The following REEP1 variants were observed in gnomAD, a reference collection of about 807,000 sequenced individuals.
The protein encoded by REEP1 is receptor expression-enhancing protein 1.
A neutral mutation model predicts 40.3 loss-of-function variants in REEP1; 22 were observed. That is an observed-to-expected ratio of 0.55 (90% CI 0.39 to 0.78). The LOEUF (loss-of-function observed/expected upper bound fraction) is 0.78. Ranked by LOEUF, REEP1 falls within the 30% of genes least tolerant of loss-of-function variation. The pLI is 0.00. For synonymous variants in REEP1, 116 were observed against 139.2 expected (o/e 0.83, Z 1.17); for missense variants, 280 against 361.1 (o/e 0.78, Z 1.82).
At chr2:86,264,294 C>G (rs1006022169) in intron 2 of REEP1, among the ~76,000 whole-genome samples, 2 of 152,152 alleles carry the variant, frequency 1.3e-5, no homozygotes, top group African/African-American at 2.4e-5. Flanking sequence ...CCGGGGAGAC[C>G]TGCGGACCAA....
intron 1 of REEP1, among the ~76,000 whole-genome samples, chr2:86,288,409 A>G (rs1019217758): frequency 6.6e-6 from 1 of 152,080 alleles, no homozygotes; most frequent in Non-Finnish European, 1.5e-5. Context: ...TCCCACCTCA[A>G]CCTTCCAAGT....
chr2:86,308,099 A>C (rs960040770), intron 1 of REEP1, among the ~76,000 whole-genome samples: 1 of 152,252 alleles, frequency 6.6e-6, no homozygotes. Context: ...AATATGGGTC[A>C]GATCACTAGA....
Position 86,232,690 on chromosome 2 carries a change from C to G in REEP1, c.530G>C (p.Arg177Pro), listed in dbSNP as rs1333042512. 6.2e-7 allele frequency: 1 copy of G among 1,611,966 alleles called. No individual in the cohort carries two copies. The highest frequency in any genetic ancestry group is 1.7e-5 in the Admixed American group (1 of 60,026). The change falls in exon 6 of 9, where the codon CGG (arginine) becomes CCG (proline). Residue 177 changes from arginine to proline, a missense_variant. Physicochemically the swap from Arg to Pro is moderately radical, Grantham distance 103 (BLOSUM62 -2). Transcript: ENST00000538924. Reference sequence around the variant, plus strand: ...AGGCTGGCCGTGTTTGCCGCTGGCCCGCCCAGACCCCGGTGGTGGGGGGCC... The same window carrying G: ...AGGCTGGCCGTGTTTGCCGCTGGCCGGCCCAGACCCCGGTGGTGGGGGGCC... Reference protein sequence around the residue: ...PSGPPPPGSGRASGKHGQPKM... With the variant: ...PSGPPPPGSGPASGKHGQPKM...
At chr2:86,314,335 G>A (rs1247350251) in intron 1 of REEP1, among the ~76,000 whole-genome samples, 1 of 152,144 alleles carries the variant, frequency 6.6e-6, no homozygotes, top group Non-Finnish European at 1.5e-5. Flanking sequence ...TCATTAAACT[G>A]GATGAGTTGC....
intron 1 of REEP1, among the ~76,000 whole-genome samples, chr2:86,300,769 AAAAGCTT>A (rs1679225368): frequency 6.6e-6 from 1 of 152,196 alleles, no homozygotes; most frequent in African/African-American, 2.4e-5. Context: ...CCAAAACCAA[AAAAGCTT>A]AAAGAGGACT....
chr2:86,335,869 A>G (rs890037816), intron 1 of REEP1, among the ~76,000 whole-genome samples: 4 of 126,272 alleles, frequency 3.2e-5, no homozygotes, highest in Admixed American at 7.8e-5. Context: ...AAAAAAAAAA[A>G]GGGCAGGGGT....
At chr2:86,250,076 C>T (rs1460444497) in intron 5 of REEP1, among the ~76,000 whole-genome samples, 3 of 152,150 alleles carry the variant, frequency 2.0e-5, no homozygotes, top group Admixed American at 1.3e-4. Flanking sequence ...ATGGAGAAGA[C>T]GGGCTCACGG....
intron 3 of REEP1, among the ~76,000 whole-genome samples, chr2:86,259,559 G>GT (rs1676747978): frequency 2.0e-5 from 3 of 151,720 alleles, no homozygotes; most frequent in African/African-American, 7.2e-5. Context: ...GCTAATTTTT[G>GT]TATTTTTTAG....
chr2:86,324,620 G>C (rs897638562), intron 1 of REEP1, among the ~76,000 whole-genome samples: 2 of 152,080 alleles, frequency 1.3e-5, no homozygotes, highest in Admixed American at 1.3e-4. Flanking sequence ...TTTTCATCAC[G>C]CCACGTAATT....
At chr2:86,303,322 T>C (rs1358551212) in intron 1 of REEP1, among the ~76,000 whole-genome samples, 1 of 151,050 alleles carries the variant, frequency 6.6e-6, no homozygotes, top group African/African-American at 2.4e-5. Context: ...GTTCAAGTGA[T>C]TCTCGTGCCT....
At chr2:86,242,982 G>A (rs371963841) in intron 5 of REEP1, among the ~76,000 whole-genome samples, 1 of 152,134 alleles carries the variant, frequency 6.6e-6, no homozygotes, top group African/African-American at 2.4e-5. Flanking sequence ...ACACACGGAA[G>A]GGCAGATTTG....
At chr2:86,320,769 GCA>G (rs903618242) in intron 1 of REEP1, among the ~76,000 whole-genome samples, 43 of 152,316 alleles carry the variant, frequency 2.8e-4, no homozygotes, top group African/African-American at 9.1e-4. Flanking sequence ...AGACAGATGT[GCA>G]CACAATTATT....
chr2:86,255,076 A>C, intron 3 of REEP1: 1 of 400,038 alleles, frequency 2.5e-6, no homozygotes, highest in South Asian at 2.9e-5. Context: ...CTCTCCAGCA[A>C]TCACCCCCGT....
chr2:86,272,154 G>A (rs997638974), intron 2 of REEP1, among the ~76,000 whole-genome samples: 1 of 152,144 alleles, frequency 6.6e-6, no homozygotes, highest in Non-Finnish European at 1.5e-5. Flanking sequence ...TCCGGGAAGT[G>A]GAGGTTACAG....
intron 1 of REEP1, among the ~76,000 whole-genome samples, chr2:86,331,353 G>A (rs1319759798): frequency 6.6e-6 from 1 of 152,190 alleles, no homozygotes; most frequent in Non-Finnish European, 1.5e-5. Flanking sequence ...TTCTGTGGCT[G>A]AGTGAAGGGA....
intron 1 of REEP1, among the ~76,000 whole-genome samples, chr2:86,308,536 C>A (rs941583606): frequency 6.6e-5 from 10 of 152,312 alleles, no homozygotes; most frequent in Admixed American, 2.0e-4. Context: ...GCCTGGGCAA[C>A]AGAGGGAGTG....
chr2:86,225,617 A>T (rs1333413005), intron 7 of REEP1, among the ~76,000 whole-genome samples: 9 of 152,228 alleles, frequency 5.9e-5, no homozygotes, highest in Admixed American at 5.9e-4. Flanking sequence ...GAGCACTGAG[A>T]GCCTTAAAAA....
Position 86,254,828 on chromosome 2 carries a change from T to A in REEP1, c.183-14A>T. On this transcript the variant is annotated splice_polypyrimidine_tract_variant and intron_variant, in intron 3 of 8. Coordinates refer to ENST00000538924, the MANE Select transcript of REEP1 (RefSeq NM_001371279.1). ...TAGAATGGAAACCTGGAGAGAGAGATGAAAACACAAGTTCTGTTAGGTTCT... is the reference window on the plus strand; with the variant it reads ...TAGAATGGAAACCTGGAGAGAGAGAAGAAAACACAAGTTCTGTTAGGTTCT... The A allele has an allele frequency of 1.2e-6, 2 of 1,613,642 alleles. No individual in the cohort carries two copies. The highest frequency in any genetic ancestry group is 1.7e-6 in the Non-Finnish European group (2 of 1,179,880).
chr2:86,319,946 G>A (rs1558935414), intron 1 of REEP1, among the ~76,000 whole-genome samples: 1 of 152,170 alleles, frequency 6.6e-6, no homozygotes, highest in Non-Finnish European at 1.5e-5. Context: ...AGAAAGGCAG[G>A]GAACAGATTC....
Sources: gnomAD v4.1 joint callset for allele counts (sites outside exome capture counted in the v4.1 genomes callset) on GRCh38, gnomAD v4.1.1 for gene constraint, MANE v1.5 for transcripts, NCBI Gene and HGNC (gene_info 2026-07-23, HGNC 2026-07-21) for gene names.